The following PITPNA variants were observed in gnomAD, a reference collection of about 807,000 sequenced individuals.
The protein encoded by PITPNA is phosphatidylinositol transfer protein alpha isoform.
Under a neutral mutation model 50.3 loss-of-function variants are expected in PITPNA, and 13 were observed. That is an observed-to-expected ratio of 0.26 (90% CI 0.17 to 0.41). PITPNA has a LOEUF of 0.41. Among genes scored for constraint, PITPNA ranks in the 10% least tolerant of loss-of-function variants. The pLI, the probability that PITPNA is intolerant of heterozygous loss-of-function variation, is 1.00. For missense variants in PITPNA, 207 were observed against 333.4 expected, an observed-to-expected ratio of 0.62 and a Z score of 2.95; for synonymous variants, 120 against 119.6, an observed-to-expected ratio of 1.00 and a Z score of -0.02.
At chr17:1,532,858 G>A (rs542227413) in intron 10 of PITPNA, among the ~76,000 whole-genome samples, 1 of 152,332 alleles carries the variant, frequency 6.6e-6, no homozygotes, top group East Asian at 1.9e-4. Flanking sequence ...CAAAACATCT[G>A]TCTTCAAGAG....
rs1388886248 is a variant in PITPNA, at chr17:1,543,091, G to GC, written c.290-65dup. ...GATTAATGAAGATGAAGAAATATCT[G>GC]CCCCCCACCCCCCACAAGGAGGACG... On this transcript the variant is annotated intron_variant, in intron 4 of 11. Coordinates refer to ENST00000313486, the MANE Select transcript of PITPNA (RefSeq NM_006224.4). 67 of 1,295,390 alleles carry GC rather than the reference G, an allele frequency of 5.2e-5. 1 individual carries two copies. In the South Asian group the frequency reaches 7.3e-4, roughly 14 times the overall value. 80.2% of individuals were successfully genotyped at this position (1,295,390 alleles called of 1,614,324 possible).
intron 10 of PITPNA, among the ~76,000 whole-genome samples, chr17:1,528,657 A>G (rs1468267104): frequency 6.6e-6 from 1 of 151,928 alleles, no homozygotes; most frequent in Non-Finnish European, 1.5e-5. Context: ...GGATCACTTG[A>G]GCCCAGAAGT....
At chr17:1,550,252 A>C (rs925149529) in intron 3 of PITPNA, among the ~76,000 whole-genome samples, 1 of 152,172 alleles carries the variant, frequency 6.6e-6, no homozygotes, top group African/African-American at 2.4e-5. Flanking sequence ...GACAAGGCCA[A>C]GCACAACACT....
chr17:1,544,633 A>G (rs2075663910), intron 4 of PITPNA, among the ~76,000 whole-genome samples: 1 of 152,182 alleles, frequency 6.6e-6, no homozygotes, highest in Non-Finnish European at 1.5e-5. Context: ...TGAGACTAAT[A>G]AGGCATTTTA....
At chr17:1,539,035 C>A (rs1438207212) in intron 6 of PITPNA, 83 bp from the exon 7 acceptor site, 13 of 778,750 alleles carry the variant, frequency 1.7e-5, no homozygotes, top group Non-Finnish European at 2.7e-5. Context: ...CTAGGAACTG[C>A]CATTCCCATA....
Position 1,562,619 on chromosome 17 carries a change from C to T in PITPNA, c.-59G>A, listed in dbSNP as rs1435116918. 2.2e-5 allele frequency: 26 copies of T among 1,181,918 alleles called. No homozygotes were observed. The highest frequency in any genetic ancestry group is 4.5e-5 in the Admixed American group (1 of 22,168). The allele number at this position is 1,181,918 out of a possible 1,614,324, so 73.2% of individuals were successfully genotyped here. A position where few individuals can be genotyped will look rare whatever the true frequency, so the allele number is the denominator to read the frequency against. The stretch of plus-strand genomic sequence containing the variant: ...GCCCGGCCTCCCGCCCGCTGCCCGC[C>T]GGCCGCTCTCCCCGTGGCCCGGCCC... On this transcript the variant is annotated 5_prime_UTR_variant, in exon 1 of 12. Coordinates refer to ENST00000313486, the MANE Select transcript of PITPNA (RefSeq NM_006224.4). This position sits in a 1 kb window ranked among gnomAD's most constrained non-coding sequence, Gnocchi z 6.4.
At chr17:1,549,930 C>G (rs1176968789) in intron 3 of PITPNA, among the ~76,000 whole-genome samples, 1 of 152,220 alleles carries the variant, frequency 6.6e-6, no homozygotes, top group Non-Finnish European at 1.5e-5. Context: ...CTGCCTCAGC[C>G]TCCTAAAGTG....
chr17:1,562,382 C>T lies in PITPNA; in HGVS notation c.20+159G>A, dbSNP rs2075773015. On this transcript the variant is annotated intron_variant, in intron 1 of 11. Coordinates refer to ENST00000313486, the MANE Select transcript of PITPNA (RefSeq NM_006224.4). This position sits in a 1 kb window ranked among gnomAD's most constrained non-coding sequence, Gnocchi z 6.4. ...TGGGCCCCGCCTCACGTGCCGCCCGCCCCGGATCCCCTCCATCCCCGCTGG... is the reference window on the plus strand; with the variant it reads ...TGGGCCCCGCCTCACGTGCCGCCCGTCCCGGATCCCCTCCATCCCCGCTGG... Among the ~76,000 whole-genome samples, 1 of 151,114 alleles carries T rather than the reference C, an allele frequency of 6.6e-6. No homozygotes were observed. The highest frequency in any genetic ancestry group is 2.4e-5 in the African/African-American group (1 of 41,202).
At chr17:1,551,766 G>C (rs1477391833) in intron 3 of PITPNA, among the ~76,000 whole-genome samples, 2 of 152,246 alleles carry the variant, frequency 1.3e-5, no homozygotes, top group Non-Finnish European at 2.9e-5. Flanking sequence ...GAGACATGGA[G>C]AAAAAGTGTG....
intron 4 of PITPNA, among the ~76,000 whole-genome samples, chr17:1,545,049 C>T (rs1410432947): frequency 6.6e-6 from 1 of 151,050 alleles, no homozygotes; most frequent in East Asian, 1.9e-4. Flanking sequence ...GATACTGTAT[C>T]CAGCCGAGGA....
intron 5 of PITPNA, among the ~76,000 whole-genome samples, chr17:1,542,077 G>A (rs1483304384): frequency 6.6e-6 from 1 of 152,026 alleles, no homozygotes; most frequent in African/African-American, 2.4e-5. Context: ...GCGGGTGCCT[G>A]TAATCCCAGC....
In PITPNA at chr17:1,553,849, G is replaced by A. The variant is rs528494966; in HGVS notation, c.52-700C>T. On this transcript the variant is annotated intron_variant, in intron 2 of 11. Transcript: ENST00000313486. ...CTCACCCCGCAAGTAGCTCTTTCAG[G>A]CAATGAAACCTCTTGACATTTTCCA... is the stretch of plus-strand genomic sequence containing the variant. Among the ~76,000 whole-genome samples, 3 of 152,254 alleles carry A rather than the reference G, an allele frequency of 2.0e-5. No individual in the cohort carries two copies. The East Asian group carries it at 5.8e-4, about 29-fold the overall frequency.
In PITPNA at chr17:1,555,253, C is replaced by G. The variant is rs560549262; in HGVS notation, c.52-2104G>C. 4.6e-5 allele frequency among the ~76,000 whole-genome samples: 7 copies of G among 152,326 alleles called. No individual in the cohort carries two copies. The South Asian group carries it at 1.4e-3, about 32-fold the overall frequency. On this transcript the variant is annotated intron_variant, in intron 2 of 11. Coordinates refer to ENST00000313486, the MANE Select transcript of PITPNA (RefSeq NM_006224.4). ...AGAGGGCAGGTTCTAAGAGGATCAG[C>G]CTGTTGGCTGGCATCTTCCCCCTTC...
At chr17:1,544,436 T>C (rs1243064339) in intron 4 of PITPNA, among the ~76,000 whole-genome samples, 3 of 152,072 alleles carry the variant, frequency 2.0e-5, no homozygotes, top group Non-Finnish European at 4.4e-5. Context: ...ATCATGAGGG[T>C]GACAGCCCTT....
chr17:1,530,988 G>T (rs144776855), intron 10 of PITPNA, among the ~76,000 whole-genome samples: 45 of 151,398 alleles, frequency 3.0e-4, no homozygotes, highest in Admixed American at 1.3e-3. Context: ...ATGGAGAACG[G>T]TTAGGAACTG....
intron 7 of PITPNA, 128 bp from the exon 8 acceptor site, chr17:1,535,646 G>A (rs1033453261): frequency 2.7e-4 from 187 of 697,132 alleles, no homozygotes; most frequent in Non-Finnish European, 2.6e-4. Flanking sequence ...GCAAATATGG[G>A]AAAATGTTAT....
chr17:1,537,072 A>AT (rs201716406), intron 7 of PITPNA, among the ~76,000 whole-genome samples: 21,944 of 139,534 alleles, frequency 0.16, 1,833 homozygotes, highest in African/African-American at 0.24. Context: ...CTAATTTTGT[A>AT]TTTTTTTTTT....
chr17:1,521,535 A>G, intron 11 of PITPNA, 44 bp downstream of exon 11: 2 of 1,412,940 alleles, frequency 1.4e-6, no homozygotes, highest in Non-Finnish European at 2.0e-6. Flanking sequence ...ACCCAAACTG[A>G]TTTTAGCGTC....
chr17:1,551,079 G>T (rs180837890), intron 3 of PITPNA, among the ~76,000 whole-genome samples: 85 of 151,640 alleles, frequency 5.6e-4, no homozygotes, highest in Non-Finnish European at 1.1e-3. Context: ...GAGTCAGCGG[G>T]ACCTGATGGG....
Sources: allele counts gnomAD v4.1 joint callset (sites outside exome capture counted in the v4.1 genomes callset), GRCh38; gene constraint gnomAD v4.1.1; non-coding constraint Gnocchi (gnomAD v3.1); transcripts MANE v1.5; gene names NCBI Gene and HGNC (gene_info 2026-07-23, HGNC 2026-07-21).